The following MYO10 variants were observed in gnomAD, a reference collection of about 807,000 sequenced individuals.
The protein encoded by MYO10 is unconventional myosin-X.
In MYO10, 133 loss-of-function variants were observed where a neutral mutation model predicts 257.3. The ratio of observed to expected loss-of-function variants is 0.52; its 90% CI spans 0.45 to 0.60. The LOEUF is 0.60. Ranked by LOEUF, MYO10 falls within the 20% of genes least tolerant of loss-of-function variation. The probability of loss-of-function intolerance (pLI) is 0.00; values close to 1 mark genes in which losing one functional copy is unlikely to be tolerated. For missense variants in MYO10, 2,399 were observed against 2,635.7 expected (o/e 0.91, Z 1.97); for synonymous variants, 1,104 against 1,028.6 (o/e 1.07, Z -1.40).
At chr5:16,796,175 C>A (rs1191788185) in intron 3 of MYO10, among the ~76,000 whole-genome samples, 5 of 118,770 alleles carry the variant, frequency 4.2e-5, no homozygotes, top group Admixed American at 1.1e-4. Context: ...GGCGACAGAG[C>A]GAGACTCTGT....
chr5:16,743,592 G>A (rs367761086), intron 19 of MYO10, among the ~76,000 whole-genome samples: 2 of 151,802 alleles, frequency 1.3e-5, no homozygotes. Context: ...GCAGTGAGCC[G>A]AGATTGCACC....
At chr5:16,900,852 G>A (rs1455555626) in intron 1 of MYO10, among the ~76,000 whole-genome samples, 1 of 149,846 alleles carries the variant, frequency 6.7e-6, no homozygotes, top group Non-Finnish European at 1.5e-5. Flanking sequence ...CAATTCTCCT[G>A]CCTCAGCCTC....
chr5:16,874,259 G>A (rs958358197), intron 2 of MYO10, among the ~76,000 whole-genome samples: 3 of 147,656 alleles, frequency 2.0e-5, no homozygotes, highest in East Asian at 2.0e-4. Context: ...GTGTGAACCC[G>A]GGACGTAGAG....
chr5:16,701,548 C>G lies in MYO10; in HGVS notation c.2847G>C (p.Glu949Asp), dbSNP rs1329680184. The change falls in exon 25 of 41, where the codon GAG becomes GAC. Residue 949 changes from glutamate (E) to aspartate (D), a missense_variant. Glu to Asp is a conservative substitution (Grantham distance 45). Transcript: ENST00000513610. This position sits in a 1 kb window ranked among gnomAD's most constrained non-coding sequence, Gnocchi z 8.1. ...QEFLESLNFDEIDECVRNIER... is the reference protein window; with the variant it reads ...QEFLESLNFDDIDECVRNIER... ...CGATATTCCGGACACACTCGTCGAT[C>G]TCGTCGAAATTGAGGGACTCGAGGA... is the stretch of plus-strand genomic sequence containing the variant. 6.2e-7 allele frequency: 1 copy of G among 1,613,964 alleles called. No homozygotes were observed.
chr5:16,826,559 C>T (rs1743006892), intron 2 of MYO10, among the ~76,000 whole-genome samples: 1 of 152,212 alleles, frequency 6.6e-6, no homozygotes. Context: ...AGAGAACACA[C>T]TCTCCGGAAC....
In MYO10 at chr5:16,689,911, A is replaced by G. The variant is rs1355351564; in HGVS notation, c.3809T>C (p.Ile1270Thr). The change falls in exon 28 of 41, where the codon ATA (isoleucine) becomes ACA (threonine). Residue 1270 changes from isoleucine to threonine, a missense_variant. Transcript: ENST00000513610. ...TVEVRTAKEI[I>T]DNTTKENGID... Reference sequence around the variant, plus strand: ...CCCATTCTCCTTGGTGGTGTTATCTATGATCTCTCTGCAAAGAAGCAAAAG... The same window carrying G: ...CCCATTCTCCTTGGTGGTGTTATCTGTGATCTCTCTGCAAAGAAGCAAAAG... The G allele has an allele frequency of 1.2e-6, 2 of 1,612,430 alleles. No individual in the cohort carries two copies. The highest frequency in any genetic ancestry group is 8.5e-7 in the Non-Finnish European group (1 of 1,178,684).
intron 19 of MYO10, among the ~76,000 whole-genome samples, chr5:16,719,333 A>G (rs61694098): frequency 0.042 from 6,411 of 151,818 alleles, 332 homozygotes; most frequent in African/African-American, 0.12. Context: ...CGGACACAAT[A>G]CCCCCTCCTT....
chr5:16,764,206 A>G (rs1740801665), intron 12 of MYO10, 44 bp downstream of exon 12: 2 of 1,602,298 alleles, frequency 1.2e-6, no homozygotes, highest in East Asian at 2.2e-5. Context: ...GCAGCTAATC[A>G]TGGACAGAAG....
At chr5:16,772,604 G>A (rs922468815) in intron 9 of MYO10, among the ~76,000 whole-genome samples, 1 of 152,058 alleles carries the variant, frequency 6.6e-6, no homozygotes, top group Non-Finnish European at 1.5e-5. Context: ...TACTGTTAAG[G>A]GTTAACTGTG....
intron 19 of MYO10, among the ~76,000 whole-genome samples, chr5:16,742,398 C>G (rs1740047896): frequency 6.6e-6 from 1 of 152,138 alleles, no homozygotes; most frequent in Non-Finnish European, 1.5e-5. Flanking sequence ...ACTAAAATTT[C>G]CTCCAAAGGT....
intron 4 of MYO10, 63 bp from the exon 5 acceptor site, chr5:16,783,532 G>C: frequency 6.7e-7 from 1 of 1,502,382 alleles, no homozygotes; most frequent in Non-Finnish European, 9.0e-7. Flanking sequence ...AATCAGCTTT[G>C]GTCAATGGCA....
At chr5:16,899,499 T>C (rs1745314482) in intron 1 of MYO10, among the ~76,000 whole-genome samples, 1 of 150,994 alleles carries the variant, frequency 6.6e-6, no homozygotes, top group African/African-American at 2.4e-5. Context: ...TAGCAGAGCG[T>C]TGTGGCGTGT....
In MYO10 at chr5:16,877,800, T is replaced by TA. The variant is rs557157655; in HGVS notation, c.22-94dup. ...AATTACCCTAACTCCTATATTCCTT[T>TA]AAAAAAAATCTTCTTGAAAAGTAAA... On this transcript the variant is annotated intron_variant, in intron 1 of 40. Coordinates refer to ENST00000513610, the MANE Select transcript of MYO10 (RefSeq NM_012334.3). 6.4e-4 allele frequency: 573 copies of TA among 892,262 alleles called. 3 individuals are homozygous for TA. In the African/African-American group the frequency reaches 7.3e-3, roughly 11 times the overall value. The allele number at this position is 892,262 out of a possible 1,614,324, so 55.3% of individuals were successfully genotyped here.
intron 19 of MYO10, among the ~76,000 whole-genome samples, chr5:16,714,462 A>C (rs1298740329): frequency 1.3e-5 from 2 of 152,048 alleles, no homozygotes; most frequent in Non-Finnish European, 2.9e-5. Flanking sequence ...GTAGAGACCA[A>C]CGGGGTCAGA....
rs749165747 is a variant in MYO10, at chr5:16,674,815, G to A, written c.4964+38C>T. On this transcript the variant is annotated intron_variant, in intron 35 of 40. Transcript: ENST00000513610. ...ACCCAGTGCCCCACCTGTGTAAGCA[G>A]CTCTGCCCAGCTCATCTCCCGTGCC... 12 of 1,609,282 alleles carry A rather than the reference G, an allele frequency of 7.5e-6. No homozygotes were observed. The Admixed American group carries it at 1.3e-4, about 18-fold the overall frequency.
chr5:16,750,535 C>T (rs370024886), intron 19 of MYO10, among the ~76,000 whole-genome samples: 7 of 152,184 alleles, frequency 4.6e-5, no homozygotes, highest in Non-Finnish European at 1.5e-5. Flanking sequence ...GCAGCCAGGG[C>T]GGGTAAAGGG....
chr5:16,873,122 G>A (rs1488836579), intron 2 of MYO10, among the ~76,000 whole-genome samples: 5 of 152,148 alleles, frequency 3.3e-5, no homozygotes, highest in African/African-American at 1.2e-4. Context: ...TTCCACCTAT[G>A]AGCCTGTAAA....
intron 2 of MYO10, among the ~76,000 whole-genome samples, chr5:16,857,079 A>T (rs1227833358): frequency 6.6e-6 from 1 of 152,240 alleles, no homozygotes; most frequent in Non-Finnish European, 1.5e-5. Context: ...ATGCACAATC[A>T]ACTCGCTTTC....
chr5:16,806,048 T>A (rs572758019), intron 3 of MYO10, among the ~76,000 whole-genome samples: 48 of 152,286 alleles, frequency 3.2e-4, no homozygotes, highest in Non-Finnish European at 4.9e-4. Context: ...AATTTTTTTT[T>A]AATCAAGTGT....
Sources: allele counts gnomAD v4.1 joint callset (sites outside exome capture counted in the v4.1 genomes callset), GRCh38; gene constraint gnomAD v4.1.1; non-coding constraint Gnocchi (gnomAD v3.1); transcripts MANE v1.5; gene names NCBI Gene and HGNC (gene_info 2026-07-23, HGNC 2026-07-21).